The following LAMB1 variants were observed in gnomAD, a reference collection of about 807,000 sequenced individuals.
LAMB1 encodes laminin subunit beta 1.
Under a neutral mutation model 222.3 loss-of-function variants are expected in LAMB1, and 121 were observed. The observed-to-expected ratio is 0.54, with a 90% CI of 0.47 to 0.63. The LOEUF (loss-of-function observed/expected upper bound fraction) is 0.63. LAMB1 is among the 30% of genes least tolerant of loss of function. The probability of loss-of-function intolerance (pLI) is 0.00; values close to 1 mark genes in which losing one functional copy is unlikely to be tolerated. For synonymous variants in LAMB1, 794 were observed against 807.2 expected, an observed-to-expected ratio of 0.98 and a Z score of 0.28; for missense variants, 2,172 against 2,240.8, an observed-to-expected ratio of 0.97 and a Z score of 0.62.
Position 108,001,487 on chromosome 7 carries a change from C to T in LAMB1, c.213+71G>A, listed in dbSNP as rs541582339. The T allele has an allele frequency of 8.6e-5, 126 of 1,459,144 alleles. No homozygotes were observed. The African/African-American group carries it at 1.7e-3, about 19-fold the overall frequency. The allele number at this position is 1,459,144 out of a possible 1,614,324, so 90.4% of individuals were successfully genotyped here. On this transcript the variant is annotated intron_variant, in intron 3 of 33. Coordinates refer to ENST00000222399, the MANE Select transcript of LAMB1 (RefSeq NM_002291.3). ...GATTGCTGGAAGGATGCGGAGTCCC[C>T]AGGGCCTGCCCCTTAGGTCTGGACG... is the stretch of plus-strand genomic sequence containing the variant.
At chr7:107,953,972 CT>C (rs2033318846) in intron 21 of LAMB1, among the ~76,000 whole-genome samples, 1 of 152,128 alleles carries the variant, frequency 6.6e-6, no homozygotes, top group African/African-American at 2.4e-5. Context: ...ACCATAGTAA[CT>C]TTTTGCACCA....
intron 24 of LAMB1, among the ~76,000 whole-genome samples, chr7:107,947,263 G>C (rs980332383): frequency 6.6e-6 from 1 of 152,136 alleles, no homozygotes; most frequent in African/African-American, 2.4e-5. Context: ...TTTTCCATAA[G>C]GAGAATACTT....
chr7:107,930,503 A>C (rs2032680514), intron 29 of LAMB1, among the ~76,000 whole-genome samples: 1 of 152,226 alleles, frequency 6.6e-6, no homozygotes, highest in Non-Finnish European at 1.5e-5. Flanking sequence ...AAGTCAGGTA[A>C]AATTATCAAC....
At chr7:107,943,658 G>C (rs903782786) in intron 24 of LAMB1, among the ~76,000 whole-genome samples, 1 of 152,110 alleles carries the variant, frequency 6.6e-6, no homozygotes, top group Non-Finnish European at 1.5e-5. Context: ...TGATTCAGTA[G>C]GTCTGGGTGG....
At chr7:107,958,938 G>A (rs1314711448) in intron 20 of LAMB1, among the ~76,000 whole-genome samples, 5 of 152,118 alleles carry the variant, frequency 3.3e-5, no homozygotes, top group African/African-American at 1.2e-4. Context: ...CTTATCCTCC[G>A]CCAGAATCTG....
At chr7:107,985,742 G>A (rs1027038142) in intron 7 of LAMB1, among the ~76,000 whole-genome samples, 1 of 152,054 alleles carries the variant, frequency 6.6e-6, no homozygotes, top group African/African-American at 2.4e-5. Context: ...CAGATCACCC[G>A]AGGTTGGGAG....
chr7:107,967,409 C>A (rs954591478), intron 13 of LAMB1, among the ~76,000 whole-genome samples: 3 of 152,182 alleles, frequency 2.0e-5, no homozygotes, highest in Non-Finnish European at 4.4e-5. Context: ...TCCATCCTGT[C>A]TACCACGGGC....
At chr7:107,964,917 CTTG>C (rs2033598825) in intron 13 of LAMB1, among the ~76,000 whole-genome samples, 1 of 152,238 alleles carries the variant, frequency 6.6e-6, no homozygotes, top group African/African-American at 2.4e-5. Flanking sequence ...CTTGCCCTCT[CTTG>C]ACTAACACGC....
At chr7:107,930,267 C>T (rs932831339) in intron 29 of LAMB1, among the ~76,000 whole-genome samples, 2 of 152,156 alleles carry the variant, frequency 1.3e-5, no homozygotes, top group Non-Finnish European at 2.9e-5. Flanking sequence ...TGAAGTTAAG[C>T]TTCAAATACG....
intron 20 of LAMB1, among the ~76,000 whole-genome samples, chr7:107,958,737 A>G (rs945437047): frequency 3.3e-5 from 5 of 152,234 alleles, no homozygotes; most frequent in African/African-American, 1.2e-4. Flanking sequence ...CTCTACATCT[A>G]GCACATCCAT....
Position 107,955,598 on chromosome 7 carries a change from A to G in LAMB1, c.2723T>C (p.Ile908Thr), listed in dbSNP as rs139487685. ...AGGGCGGCAGTGATCTCCTGACCCAATGATGGGGTCGCCATAGTAACCAGC... is the reference window on the plus strand; with the variant it reads ...AGGGCGGCAGTGATCTCCTGACCCAGTGATGGGGTCGCCATAGTAACCAGC... ...CLAGYYGDPI[I>T]GSGDHCRPCP... The change falls in exon 21 of 34, where the codon ATT (isoleucine) becomes ACT (threonine). Residue 908 changes from isoleucine (I) to threonine (T), a missense_variant. Physicochemically the swap from Ile to Thr is moderately conservative, Grantham distance 89 (BLOSUM62 -1). Transcript: ENST00000222399. 2,899 of 1,613,816 alleles carry G rather than the reference A, an allele frequency of 1.8e-3. 3 individuals are homozygous for G. The highest frequency in any genetic ancestry group is 2.3e-3 in the Non-Finnish European group (2,668 of 1,179,930).
At chr7:107,995,914 ACT>A in intron 4 of LAMB1, among the ~76,000 whole-genome samples, 1 of 151,426 alleles carries the variant, frequency 6.6e-6, no homozygotes, top group Non-Finnish European at 1.5e-5. Context: ...TTTGAAATAA[ACT>A]CTTGCTGGAA....
At chr7:107,938,381 C>T (rs1423429759) in intron 25 of LAMB1, among the ~76,000 whole-genome samples, 1 of 151,790 alleles carries the variant, frequency 6.6e-6, no homozygotes, top group African/African-American at 2.4e-5. Flanking sequence ...TCACAGAAGG[C>T]TTTCATTTCT....
chr7:107,933,603 GAAA>G (rs1329355249), intron 27 of LAMB1, among the ~76,000 whole-genome samples: 1 of 143,844 alleles, frequency 7.0e-6, no homozygotes, highest in Non-Finnish European at 1.5e-5. Flanking sequence ...GGCAGACATG[GAAA>G]AAAAAAAACA....
In LAMB1 at chr7:107,996,421, G is replaced by C. The variant is rs115008885; in HGVS notation, c.350-1461C>G. Among the ~76,000 whole-genome samples, 130 of 152,294 alleles carry C rather than the reference G, an allele frequency of 8.5e-4. 1 individual carries two copies. The highest frequency in any genetic ancestry group is 3.1e-3 in the African/African-American group (127 of 41,566). On this transcript the variant is annotated intron_variant, in intron 4 of 33. Transcript: ENST00000222399. ...GGGTAAAAATAGTCGTACATTCCAA[G>C]CTCGTTTCTGTGCCTGGACACTGAT... is the stretch of plus-strand genomic sequence containing the variant.
intron 32 of LAMB1, among the ~76,000 whole-genome samples, chr7:107,925,849 C>A (rs1188526985): frequency 6.7e-6 from 1 of 148,370 alleles, no homozygotes; most frequent in Admixed American, 6.8e-5. Flanking sequence ...CTGACTACCG[C>A]ACAGAAATAA....
chr7:108,000,510 T>C (rs1227780489), intron 3 of LAMB1, among the ~76,000 whole-genome samples: 1 of 152,230 alleles, frequency 6.6e-6, no homozygotes, highest in East Asian at 1.9e-4. Flanking sequence ...ACTGATACTT[T>C]CTGCTTTTGT....
rs1316187904 is a variant in LAMB1 at position 107,952,935 on chromosome 7, TCA to T, written c.3079+593_3079+594del. 3.1e-3 allele frequency among the ~76,000 whole-genome samples: 471 copies of T among 152,288 alleles called. 1 individual carries two copies. The highest frequency in any genetic ancestry group is 0.011 in the African/African-American group (454 of 41,556). ...GCAAGTTCATGGGCAGAGCATACCA[TCA>T]GTACCCTCTACTGGATGCCATTTAT... On this transcript the variant is annotated intron_variant, in intron 22 of 33. Transcript: ENST00000222399.
Position 107,952,206 on chromosome 7 carries a change from G to GGTAATTACA in LAMB1, c.3088_3096dup (p.Cys1030_Tyr1032dup). The GGTAATTACA allele has an allele frequency of 6.2e-7, 1 of 1,603,686 alleles. No individual in the cohort carries two copies. Among genetic ancestry groups the GGTAATTACA allele is most frequent in the Non-Finnish European group, 8.5e-7 (1 of 1,171,610 alleles). The stretch of plus-strand genomic sequence containing the variant: ...TTACAGTGCTCTTGCACGGTGCCCA[G>GGTAATTACA]GTAATTACAGACACACTCTGCAAAA... On this transcript the variant is annotated inframe_insertion, in exon 23 of 34. Transcript: ENST00000222399.
Sources: gnomAD v4.1 joint callset for allele counts (sites outside exome capture counted in the v4.1 genomes callset) on GRCh38, gnomAD v4.1.1 for gene constraint, MANE v1.5 for transcripts, NCBI Gene and HGNC (gene_info 2026-07-23, HGNC 2026-07-21) for gene names.